WDR19: variants seen among roughly 807,000 people sequenced by gnomAD.
The protein encoded by WDR19 is WD repeat-containing protein 19.
Under a neutral mutation model 180.0 loss-of-function variants are expected in WDR19, and 121 were observed. That is an observed-to-expected ratio of 0.67 (90% confidence interval 0.58 to 0.78). The LOEUF (loss-of-function observed/expected upper bound fraction) is 0.78, where lower values mean the gene tolerates loss of function less well. Among genes scored for constraint, WDR19 ranks in the 30% least tolerant of loss-of-function variants. WDR19 has a pLI of 0.00. For synonymous variants in WDR19, 497 were observed against 540.7 expected (o/e 0.92, Z 1.12); for missense variants, 1,450 against 1,640.7 (o/e 0.88, Z 2.01).
At chr4:39,224,615 C>G (rs1429602255) in intron 14 of WDR19, among the ~76,000 whole-genome samples, 2 of 152,088 alleles carry the variant, frequency 1.3e-5, no homozygotes, top group African/African-American at 4.8e-5. Flanking sequence ...CCAGGCTGGT[C>G]TCGAATTCCT....
intron 17 of WDR19, 52 bp downstream of exon 17, chr4:39,228,742 A>G (rs1252500912): frequency 2.7e-6 from 4 of 1,465,922 alleles, no homozygotes; most frequent in Non-Finnish European, 2.7e-6. Context: ...TTGTGATTTT[A>G]AAGGTCAAAT....
chr4:39,194,556 TTTCC>T lies in WDR19; in HGVS notation c.307_310del (p.Leu103PhefsTer52). ...CTTAATGTTACAGGGATCAAATGTC[TTTCC>T]TTCTTTGGTCAAAAGTTGGAAGTTT... On this transcript the variant is annotated frameshift_variant, in exon 5 of 37. Coordinates refer to ENST00000399820, the MANE Select transcript of WDR19 (RefSeq NM_025132.4). LOFTEE classifies it high-confidence loss of function. 6.2e-7 allele frequency: 1 copy of T among 1,611,136 alleles called. No homozygotes were observed. Among genetic ancestry groups the T allele is most frequent in the South Asian group, 1.1e-5 (1 of 90,612 alleles).
chr4:39,225,013 G>C lies in WDR19; in HGVS notation c.1609G>C (p.Asp537His). The change falls in exon 15 of 37, where the codon GAT becomes CAT. Residue 537 changes from aspartate to histidine, a missense_variant. By Grantham distance (81) the Asp-to-His change is moderately conservative. Coordinates refer to ENST00000399820, the MANE Select transcript of WDR19 (RefSeq NM_025132.4). Reference sequence around the variant, plus strand: ...ATTAGTTTTCATTGATGAAAAAAGTGATGGATTTGTTTACTGTCCAGTAAG... The same window carrying C: ...ATTAGTTTTCATTGATGAAAAAAGTCATGGATTTGTTTACTGTCCAGTAAG... ...TRLVFIDEKS[D>H]GFVYCPVNDA... 2 of 1,564,584 alleles carry C rather than the reference G, an allele frequency of 1.3e-6. No individual in the cohort carries two copies. Among genetic ancestry groups the C allele is most frequent in the Non-Finnish European group, 8.6e-7 (1 of 1,156,226 alleles).
Position 39,203,742 on chromosome 4 carries a change from C to G in WDR19, c.603+20C>G, listed in dbSNP as rs769205653. ...AGCATGGTAAGAATTCTAATCAAATCCACGTGCAAATCATTTGGGTAATTT... is the reference window on the plus strand; with the variant it reads ...AGCATGGTAAGAATTCTAATCAAATGCACGTGCAAATCATTTGGGTAATTT... On this transcript the variant is annotated intron_variant, in intron 7 of 36. Coordinates refer to ENST00000399820, the MANE Select transcript of WDR19 (RefSeq NM_025132.4). 6.3e-7 allele frequency: 1 copy of G among 1,598,512 alleles called. No individual in the cohort carries two copies. Among genetic ancestry groups the G allele is most frequent in the Non-Finnish European group, 8.6e-7 (1 of 1,169,522 alleles).
At chr4:39,189,593 A>T in intron 3 of WDR19, 63 bp from the exon 4 acceptor site, 4 of 1,408,202 alleles carry the variant, frequency 2.8e-6, no homozygotes, top group Non-Finnish European at 3.8e-6. Context: ...ATAGACAAAA[A>T]TCACAAATAG....
intron 30 of WDR19, among the ~76,000 whole-genome samples, chr4:39,268,572 T>C (rs970599159): frequency 3.3e-5 from 5 of 152,238 alleles, no homozygotes; most frequent in African/African-American, 7.2e-5. Flanking sequence ...TCAATACTTA[T>C]TGAGTGAGTA....
At chr4:39,275,541 TTC>T (rs370545079) in intron 33 of WDR19, among the ~76,000 whole-genome samples, 345 of 152,212 alleles carry the variant, frequency 2.3e-3, no homozygotes, top group African/African-American at 7.6e-3. Context: ...GCATAGAGGT[TTC>T]CTCTTCATGG....
chr4:39,238,348 A>T (rs1229832378), intron 20 of WDR19, among the ~76,000 whole-genome samples: 1 of 152,226 alleles, frequency 6.6e-6, no homozygotes, highest in African/African-American at 2.4e-5. Context: ...CTGGGATTAA[A>T]CTAATGAGTT....
intron 24 of WDR19, 99 bp downstream of exon 24, chr4:39,245,551 A>G: frequency 7.9e-7 from 1 of 1,260,146 alleles, no homozygotes; most frequent in Non-Finnish European, 1.1e-6. Flanking sequence ...CAAACCAGAG[A>G]AAGACAGAAA....
chr4:39,206,799 A>T (rs1728000445), intron 9 of WDR19, among the ~76,000 whole-genome samples: 1 of 152,214 alleles, frequency 6.6e-6, no homozygotes. Context: ...TACCACTGCA[A>T]AGGCGTTGAA....
intron 6 of WDR19, among the ~76,000 whole-genome samples, 164 bp from the exon 7 acceptor site, chr4:39,203,478 A>G (rs1727590011): frequency 6.6e-6 from 1 of 152,042 alleles, no homozygotes; most frequent in Non-Finnish European, 1.5e-5. Flanking sequence ...AATAAGATAT[A>G]TTTTCTGTTT....
At chr4:39,233,801 G>A (rs557089427) in intron 19 of WDR19, among the ~76,000 whole-genome samples, 3 of 152,316 alleles carry the variant, frequency 2.0e-5, no homozygotes, top group East Asian at 1.9e-4. Flanking sequence ...ATATGGCTGC[G>A]ATGACTGAGG....
At chr4:39,193,264 C>T (rs1458776127) in intron 4 of WDR19, among the ~76,000 whole-genome samples, 1 of 151,068 alleles carries the variant, frequency 6.6e-6, no homozygotes, top group African/African-American at 2.4e-5. Flanking sequence ...CGGGTTCAAG[C>T]GATTCTTCTG....
chr4:39,268,064 A>G lies in WDR19; in HGVS notation c.3331A>G (p.Ile1111Val). ...CCGAGAAGCTGCCCAGACTGCCATCATCATTGCCAGAGAAGAGCAGTCTGC... is the reference window on the plus strand; with the variant it reads ...CCGAGAAGCTGCCCAGACTGCCATCGTCATTGCCAGAGAAGAGCAGTCTGC... ...QYREAAQTAI[I>V]IAREEQSAGN... The change falls in exon 30 of 37, where the codon ATC (isoleucine) becomes GTC (valine). Residue 1111 changes from isoleucine to valine, a missense_variant. Coordinates refer to ENST00000399820, the MANE Select transcript of WDR19 (RefSeq NM_025132.4). 6.3e-7 allele frequency: 1 copy of G among 1,598,896 alleles called. No individual in the cohort carries two copies. The highest frequency in any genetic ancestry group is 8.5e-7 in the Non-Finnish European group (1 of 1,172,294).
intron 3 of WDR19, among the ~76,000 whole-genome samples, chr4:39,188,326 T>C (rs1351303454): frequency 6.6e-6 from 1 of 152,116 alleles, no homozygotes; most frequent in African/African-American, 2.4e-5. Flanking sequence ...CATTTTGGAA[T>C]AATAGCAAGA....
Position 39,217,170 on chromosome 4 carries a change from C to T in WDR19, c.1286C>T (p.Thr429Ile), listed in dbSNP as rs779945910. Residue 429 changes from threonine (T) to isoleucine (I), a missense_variant, in exon 13 of 37, where the codon ACA (threonine) becomes ATA (isoleucine). Physicochemically the swap from Thr to Ile is moderately conservative, Grantham distance 89. Coordinates refer to ENST00000399820, the MANE Select transcript of WDR19 (RefSeq NM_025132.4). The stretch of plus-strand genomic sequence containing the variant: ...TTGAAAGATATGGAGTATCTGGGAA[C>T]AGTAGCCAGTATTTGCCTTCATTCT... ...KKLKDMEYLG[T>I]VASICLHSDY... is the part of the protein sequence containing the mutation. 6.2e-7 allele frequency: 1 copy of T among 1,608,830 alleles called. No homozygotes were observed. The highest frequency in any genetic ancestry group is 8.5e-7 in the Non-Finnish European group (1 of 1,177,726).
At chr4:39,268,928 G>A (rs909307755) in intron 30 of WDR19, among the ~76,000 whole-genome samples, 4 of 152,174 alleles carry the variant, frequency 2.6e-5, no homozygotes, top group Non-Finnish European at 5.9e-5. Context: ...CCTGAAGGTT[G>A]GGGTAGGGAG....
At position 39,242,664 on chromosome 4, in the gene WDR19, T is replaced by G. The variant is rs570577094; in HGVS notation, c.2422-1584T>G. On this transcript the variant is annotated intron_variant, in intron 21 of 36. Coordinates refer to ENST00000399820, the MANE Select transcript of WDR19 (RefSeq NM_025132.4). ...AAGCAAGACCCCCATCTCTACAAAT[T>G]TATTTGTTTATTTTTCTTTTGGAGA... 2.0e-5 allele frequency among the ~76,000 whole-genome samples: 3 copies of G among 152,036 alleles called. No individual in the cohort carries two copies. The South Asian group carries it at 6.2e-4, about 32-fold the overall frequency.
At chr4:39,240,054 A>G (rs1021291822) in intron 20 of WDR19, among the ~76,000 whole-genome samples, 4 of 151,930 alleles carry the variant, frequency 2.6e-5, no homozygotes, top group Non-Finnish European at 5.9e-5. Flanking sequence ...GCGCATGCCT[A>G]TAGTCTCAAC....
Sources: gnomAD v4.1 joint callset for allele counts (sites outside exome capture counted in the v4.1 genomes callset) on GRCh38, gnomAD v4.1.1 for gene constraint, MANE v1.5 for transcripts, NCBI Gene and HGNC (gene_info 2026-07-23, HGNC 2026-07-21) for gene names.